Variants in SERPINF1 observed in about 807,000 individuals in gnomAD.
SERPINF1 encodes pigment epithelium-derived factor.
A neutral mutation model predicts 37.3 loss-of-function variants in SERPINF1; 29 were observed. The observed-to-expected ratio is 0.78, with a 90% CI of 0.58 to 1.06. SERPINF1 has a LOEUF of 1.06. Ranked by LOEUF, SERPINF1 falls within the 50% of genes least tolerant of loss-of-function variation. The pLI is 0.00. For synonymous variants in SERPINF1, 281 were observed against 227.9 expected (o/e 1.23, Z -2.10); for missense variants, 553 against 532.2 (o/e 1.04, Z -0.38).
chr17:1,771,851 C>T lies in SERPINF1; in HGVS notation c.440-21C>T, dbSNP rs1409274332. On this transcript the variant is annotated intron_variant, in intron 4 of 7. Coordinates refer to ENST00000254722, the MANE Select transcript of SERPINF1 (RefSeq NM_002615.7). ...TTGTCGTCGAGTCTCATACGCTAAC[C>T]TCTGCTCCGCCTCTTCTCAGAGCTG... 4.4e-6 allele frequency: 7 copies of T among 1,607,496 alleles called. No individual in the cohort carries two copies. In the South Asian group the frequency reaches 6.6e-5, roughly 15 times the overall value.
At chr17:1,775,725 GGTT>G (rs1270750086) in intron 6 of SERPINF1, among the ~76,000 whole-genome samples, 2 of 152,004 alleles carry the variant, frequency 1.3e-5, no homozygotes, top group Non-Finnish European at 2.9e-5. Context: ...ATACAGACGG[GGTT>G]TCTCCATGTT....
At chr17:1,776,802 C>G (rs770018570) in intron 7 of SERPINF1, 60 bp downstream of exon 7, 3 of 1,502,924 alleles carry the variant, frequency 2.0e-6, no homozygotes, top group Non-Finnish European at 2.8e-6. Context: ...GGTCTTTGGG[C>G]CTTCCACTGT....
Position 1,766,948 on chromosome 17 carries a change from T to A in SERPINF1, c.38T>A (p.Leu13His). The A allele has an allele frequency of 6.4e-7, 1 of 1,564,966 alleles. No individual in the cohort carries two copies. Among genetic ancestry groups the A allele is most frequent in the Non-Finnish European group, 8.7e-7 (1 of 1,154,628 alleles). Reference protein sequence around the residue: ...ALVLLLCIGALLGHSSCQNPA... With the variant: ...ALVLLLCIGAHLGHSSCQNPA... ...GTGCTACTCCTCTGCATTGGAGCCC[T>A]CCTCGGGCACAGCAGCTGCCAGAAC... The change falls in exon 2 of 8, where the codon CTC becomes CAC. Residue 13 changes from leucine to histidine, a missense_variant. Transcript: ENST00000254722.
rs1052629867 is a variant in SERPINF1, at chr17:1,767,195, A to G, written c.84+201A>G. ...TTCAGGGGATGGAGTAGGGACATGA[A>G]TAAGATCCCAAAAGAGTAAAAATCT... On this transcript the variant is annotated intron_variant, in intron 2 of 7. Transcript: ENST00000254722. Among the ~76,000 whole-genome samples, 8 of 152,206 alleles carry G rather than the reference A, an allele frequency of 5.3e-5. No homozygotes were observed. The highest frequency in any genetic ancestry group is 1.2e-4 in the Non-Finnish European group (8 of 68,034).
Position 1,777,522 on chromosome 17 carries a change from C to G in SERPINF1, c.*76C>G. On this transcript the variant is annotated 3_prime_UTR_variant, in exon 8 of 8. Transcript: ENST00000254722. The stretch of plus-strand genomic sequence containing the variant: ...GATTCCACAGGACACGAAGGCTGCC[C>G]CTGTAAGGTTTCAATGCATACAATA... 6.3e-7 allele frequency: 1 copy of G among 1,588,654 alleles called. No homozygotes were observed. Among genetic ancestry groups the G allele is most frequent in the East Asian group, 2.2e-5 (1 of 44,784 alleles).
intron 2 of SERPINF1, 72 bp from the exon 3 acceptor site, chr17:1,769,780 C>G (rs1036194913): frequency 1.7e-5 from 26 of 1,534,554 alleles, no homozygotes; most frequent in Non-Finnish European, 2.3e-5. Context: ...TACACAAAGC[C>G]GTGAGGAGAC....
At chr17:1,765,949 A>G (rs1318195488) in intron 1 of SERPINF1, among the ~76,000 whole-genome samples, 2 of 151,716 alleles carry the variant, frequency 1.3e-5, no homozygotes, top group Non-Finnish European at 2.9e-5. Context: ...CATGGGAGGA[A>G]GAGCTCTTGA....
intron 3 of SERPINF1, 26 bp from the exon 4 acceptor site, chr17:1,771,003 A>G: frequency 6.2e-7 from 1 of 1,613,786 alleles, no homozygotes; most frequent in Non-Finnish European, 8.5e-7. Flanking sequence ...TGCAGTTATC[A>G]ACGTCCACAT....
intron 4 of SERPINF1, 87 bp from the exon 5 acceptor site, chr17:1,771,785 A>G: frequency 7.3e-7 from 1 of 1,372,472 alleles, no homozygotes; most frequent in Non-Finnish European, 1.0e-6. Flanking sequence ...CTGAGCGCTA[A>G]ACCAGAACCC....
Position 1,765,143 on chromosome 17 carries a change from C to CTT in SERPINF1, c.-8-1746_-8-1745dup, listed in dbSNP as rs34386380. 1.7e-3 allele frequency among the ~76,000 whole-genome samples: 218 copies of CTT among 124,776 alleles called. 2 individuals are homozygous for CTT. Among genetic ancestry groups the CTT allele is most frequent in the African/African-American group, 3.6e-3 (116 of 32,648 alleles). 81.9% of individuals were successfully genotyped at this position (124,776 alleles called of 152,430 possible). A position where few individuals can be genotyped will look rare whatever the true frequency, so the allele number is the denominator to read the frequency against. On this transcript the variant is annotated intron_variant, in intron 1 of 7. Transcript: ENST00000254722. The stretch of plus-strand genomic sequence containing the variant: ...ACAGGTTTGAGCCACTGCGCCTGGC[C>CTT]TTTTTTTTTTTTTTTGAGATGGAGT...
chr17:1,776,911 C>T (rs549725962), intron 7 of SERPINF1, among the ~76,000 whole-genome samples, 169 bp downstream of exon 7: 1 of 151,542 alleles, frequency 6.6e-6, no homozygotes, highest in East Asian at 2.0e-4. Context: ...TGCCTTCTCT[C>T]ATCAGACTCA....
At chr17:1,770,851 T>G (rs534038443) in intron 3 of SERPINF1, 178 bp from the exon 4 acceptor site, 1 of 751,912 alleles carries the variant, frequency 1.3e-6, no homozygotes, top group Non-Finnish European at 2.3e-6. Flanking sequence ...GCCTTTAACC[T>G]ACTTCAGGAA....
chr17:1,776,585 G>A lies in SERPINF1; in HGVS notation c.840G>A (p.Leu280=). The part of the protein sequence containing the change: ...GSMSIIFFLP[L]KVTQNLTLIE... ...TGAGTATCATCTTCTTCCTGCCCCT[G>A]AAAGTGACCCAGAATTTGACCTTGA... Residue 280 remains leucine, a synonymous_variant, in exon 7 of 8, where the codon CTG becomes CTA. Transcript: ENST00000254722. 1 of 1,614,016 alleles carries A rather than the reference G, an allele frequency of 6.2e-7. No individual in the cohort carries two copies.
In SERPINF1 at chr17:1,775,080, C is replaced by T. The variant is rs1052666965; in HGVS notation, c.666C>T (p.Asp222=). ...CAGGGCAGTGGGTAACAAAGTTTGA[C>T]TCCAGAAAGACTTCCCTCGAGGATT... The part of the protein sequence containing the change: ...HFKGQWVTKF[D]SRKTSLEDFY... Residue 222 remains aspartate, a synonymous_variant, in exon 6 of 8, where the codon GAC becomes GAT. Transcript: ENST00000254722. 3.1e-6 allele frequency: 5 copies of T among 1,613,986 alleles called. No homozygotes were observed. The African/African-American group carries it at 6.7e-5, about 22-fold the overall frequency.
In SERPINF1 at chr17:1,771,128, C is replaced by T. The variant is rs765724264; in HGVS notation, c.383C>T (p.Thr128Met). 5.0e-5 allele frequency: 81 copies of T among 1,614,114 alleles called. No homozygotes were observed. The highest frequency in any genetic ancestry group is 2.6e-4 in the South Asian group (24 of 91,080). The part of the protein sequence containing the change: ...IHGTYKELLD[T>M]VTAPQKNLKS... ...GGTACCTATAAGGAGCTCCTTGACA[C>T]GGTCACTGCCCCCCAGAAGAACCTC... The change falls in exon 4 of 8, where the codon ACG (threonine) becomes ATG (methionine). Residue 128 changes from threonine to methionine, a missense_variant. Physicochemically the swap from Thr to Met is moderately conservative, Grantham distance 81 (BLOSUM62 -1). Transcript: ENST00000254722.
At chr17:1,766,714 G>A (rs1907398668) in intron 1 of SERPINF1, 189 bp from the exon 2 acceptor site, 3 of 598,956 alleles carry the variant, frequency 5.0e-6, no homozygotes, top group Non-Finnish European at 9.0e-6. Context: ...CTTGCTGGGA[G>A]GGATGGGCCA....
rs1389752728 is a variant in SERPINF1 at position 1,773,312 on chromosome 17, T to C, written c.643+1237T>C. 2.6e-5 allele frequency among the ~76,000 whole-genome samples: 4 copies of C among 152,112 alleles called. No individual in the cohort carries two copies. The East Asian group carries it at 7.7e-4, about 29-fold the overall frequency. Reference sequence around the variant, plus strand: ...AGGCTGGAGTGCAGTGGTGCCATCTTGGCTCACTACAGCCTCCCCACCTCC... The same window carrying C: ...AGGCTGGAGTGCAGTGGTGCCATCTCGGCTCACTACAGCCTCCCCACCTCC... On this transcript the variant is annotated intron_variant, in intron 5 of 7. Coordinates refer to ENST00000254722, the MANE Select transcript of SERPINF1 (RefSeq NM_002615.7).
intron 6 of SERPINF1, among the ~76,000 whole-genome samples, chr17:1,775,476 CTT>C (rs1395717499): frequency 3.3e-5 from 5 of 151,828 alleles, no homozygotes; most frequent in Non-Finnish European, 2.9e-5. Flanking sequence ...TGTTTGTTCT[CTT>C]GAGACTCCTA....
At chr17:1,771,760 G>T in intron 4 of SERPINF1, 112 bp from the exon 5 acceptor site, 1 of 992,968 alleles carries the variant, frequency 1.0e-6, no homozygotes, top group Non-Finnish European at 1.5e-6. Context: ...ATGCTGGCTG[G>T]GAAGTCAGGG....
Sources: gnomAD v4.1 joint callset for allele counts (sites outside exome capture counted in the v4.1 genomes callset) on GRCh38, gnomAD v4.1.1 for gene constraint, MANE v1.5 for transcripts, NCBI Gene and HGNC (gene_info 2026-07-23, HGNC 2026-07-21) for gene names.